AGMO: variants seen among roughly 807,000 people sequenced by gnomAD.
The protein encoded by AGMO is alkylglycerol monooxygenase, also known as glyceryl-ether monooxygenase.
In AGMO, 75 loss-of-function variants were observed where a neutral mutation model predicts 60.2. The observed-to-expected ratio is 1.25, with a 90% CI of 1.03 to 1.51. AGMO has a LOEUF of 1.51. Among genes scored for constraint, AGMO ranks in the 40% most tolerant of loss-of-function variants. The pLI, the probability that AGMO is intolerant of heterozygous loss-of-function variation, is 0.00. For missense variants in AGMO, 763 were observed against 525.5 expected (o/e 1.45, Z -4.42); for synonymous variants, 261 against 177.1 (o/e 1.47, Z -3.76).
chr7:15,426,970 G>C (rs1389102388), intron 4 of AGMO, among the ~76,000 whole-genome samples: 4 of 152,096 alleles, frequency 2.6e-5, no homozygotes, highest in Non-Finnish European at 5.9e-5. Context: ...ATGTGATAAG[G>C]AGTCTATTAT....
chr7:15,330,537 G>T (rs1347869158), intron 12 of AGMO, among the ~76,000 whole-genome samples: 1 of 152,050 alleles, frequency 6.6e-6, no homozygotes, highest in Non-Finnish European at 1.5e-5. Flanking sequence ...AGAAAGTTTT[G>T]AGATTTTTGA....
the AGMO span, among the ~76,000 whole-genome samples, chr7:15,135,306 T>G: frequency 6.6e-6 from 1 of 152,034 alleles, no homozygotes; most frequent in Non-Finnish European, 1.5e-5. Flanking sequence ...CGGGAAGCTA[T>G]CGAAGCTGAT....
chr7:15,150,393 G>A, the AGMO span, among the ~76,000 whole-genome samples: 2 of 152,018 alleles, frequency 1.3e-5, no homozygotes, highest in African/African-American at 4.8e-5. Flanking sequence ...GTTTTCTGGG[G>A]GAATGCTTCC....
chr7:15,423,838 A>G (rs576725593), intron 4 of AGMO, among the ~76,000 whole-genome samples: 62 of 152,284 alleles, frequency 4.1e-4, no homozygotes, highest in African/African-American at 1.3e-3. Context: ...ATAGCCCTCA[A>G]AAGGAACTAA....
At chr7:15,301,165 G>A (rs1279001886) in intron 12 of AGMO, among the ~76,000 whole-genome samples, 8 of 152,248 alleles carry the variant, frequency 5.3e-5, no homozygotes, top group East Asian at 1.9e-4. Context: ...CTGGCCGGGC[G>A]CGGTGGCTCA....
chr7:15,392,188 G>A (rs925804844), intron 6 of AGMO, among the ~76,000 whole-genome samples: 1 of 151,902 alleles, frequency 6.6e-6, no homozygotes, highest in African/African-American at 2.4e-5. Flanking sequence ...TCCTGCCTCA[G>A]CCTCCCGAGT....
At chr7:15,406,586 A>G (rs1784700583) in intron 5 of AGMO, among the ~76,000 whole-genome samples, 1 of 132,880 alleles carries the variant, frequency 7.5e-6, no homozygotes, top group Non-Finnish European at 1.6e-5. Flanking sequence ...ACACACACAC[A>G]CACGTATATT....
intron 5 of AGMO, among the ~76,000 whole-genome samples, chr7:15,406,286 G>GTGTGTATATATATGGAATATACATATA (rs1784684681): frequency 7.0e-6 from 1 of 143,460 alleles, no homozygotes; most frequent in Non-Finnish European, 1.5e-5. Context: ...GTACACATAT[G>GTGTGTATATATATGGAATATACATATA]TGTGTATATA....
intron 3 of AGMO, among the ~76,000 whole-genome samples, chr7:15,438,545 A>G (rs1192827324): frequency 6.6e-6 from 1 of 152,182 alleles, no homozygotes; most frequent in African/African-American, 2.4e-5. Context: ...GGTTTACGGA[A>G]CTGTTTCATA....
In AGMO at chr7:15,526,767, C is replaced by T. The variant is rs144027460; in HGVS notation, c.409+18005G>A. Among the ~76,000 whole-genome samples, 1,053 of 152,280 alleles carry T rather than the reference C, an allele frequency of 6.9e-3. 8 individuals carry two copies. The highest frequency in any genetic ancestry group is 9.1e-3 in the Non-Finnish European group (619 of 68,036). On this transcript the variant is annotated intron_variant, in intron 3 of 12. Coordinates refer to ENST00000342526, the MANE Select transcript of AGMO (RefSeq NM_001004320.2). ...TTTTTTGCAAATTGAAGGTTTGTGG[C>T]AACCTTGTGTCTAGCAATTTTATCA...
At chr7:15,493,641 C>T (rs992354551) in intron 3 of AGMO, among the ~76,000 whole-genome samples, 10 of 152,036 alleles carry the variant, frequency 6.6e-5, no homozygotes, top group African/African-American at 2.4e-4. Flanking sequence ...TCCCAAAGTG[C>T]TGGGATTACA....
intron 12 of AGMO, among the ~76,000 whole-genome samples, chr7:15,234,876 C>G (rs930024210): frequency 1.3e-5 from 2 of 152,088 alleles, no homozygotes; most frequent in Non-Finnish European, 2.9e-5. Context: ...GTGTGCAGTA[C>G]AAAAACAAAA....
intron 3 of AGMO, among the ~76,000 whole-genome samples, chr7:15,478,363 TAAG>T (rs1025070596): frequency 4.6e-4 from 70 of 152,296 alleles, no homozygotes; most frequent in African/African-American, 1.5e-3. Flanking sequence ...GGTCTTTCTT[TAAG>T]AAGAAGAACT....
At chr7:15,142,067 ACAGTGGGTTT>A in the AGMO span, among the ~76,000 whole-genome samples, 1 of 152,182 alleles carries the variant, frequency 6.6e-6, no homozygotes. Context: ...CTAATACTAT[ACAGTGGGTTT>A]CAGTATCAAG....
At chr7:15,333,851 C>A (rs577283850) in intron 12 of AGMO, among the ~76,000 whole-genome samples, 1 of 152,120 alleles carries the variant, frequency 6.6e-6, no homozygotes, top group South Asian at 2.1e-4. Flanking sequence ...CATTTTCTTT[C>A]ATAGTATCCC....
the AGMO span, among the ~76,000 whole-genome samples, chr7:15,128,099 C>T: frequency 6.6e-6 from 1 of 152,230 alleles, no homozygotes; most frequent in African/African-American, 2.4e-5. Flanking sequence ...TCAGTCCTGC[C>T]TTTCTTGCCC....
At chr7:15,497,398 T>C (rs1783261150) in intron 3 of AGMO, among the ~76,000 whole-genome samples, 1 of 151,934 alleles carries the variant, frequency 6.6e-6, no homozygotes, top group South Asian at 2.1e-4. Context: ...TTCACAGGAA[T>C]TTTTTTAACA....
At chr7:15,358,746 T>C (rs969887321) in intron 12 of AGMO, among the ~76,000 whole-genome samples, 1 of 152,202 alleles carries the variant, frequency 6.6e-6, no homozygotes. Flanking sequence ...GGTAAATCTC[T>C]GTCACCCAAT....
intron 5 of AGMO, among the ~76,000 whole-genome samples, chr7:15,400,067 C>A (rs1362019161): frequency 6.6e-6 from 1 of 152,060 alleles, no homozygotes; most frequent in Non-Finnish European, 1.5e-5. Context: ...GTGCTAGTTA[C>A]TTGTTTTCAT....
Sources: allele counts gnomAD v4.1 joint callset (sites outside exome capture counted in the v4.1 genomes callset), GRCh38; gene constraint gnomAD v4.1.1; transcripts MANE v1.5; gene names NCBI Gene and HGNC (gene_info 2026-07-23, HGNC 2026-07-21).